Variants in GRIP1 observed in about 807,000 individuals in gnomAD.
GRIP1 encodes glutamate receptor interacting protein 1.
In GRIP1, 45 loss-of-function variants were observed where a neutral mutation model predicts 129.9. That is an observed-to-expected ratio of 0.35 (90% CI 0.27 to 0.44). GRIP1 has a LOEUF of 0.44. Among genes scored for constraint, GRIP1 ranks in the 20% least tolerant of loss-of-function variants. The pLI, the probability that GRIP1 is intolerant of heterozygous loss-of-function variation, is 1.00. For synonymous variants in GRIP1, 530 were observed against 520.8 expected, an observed-to-expected ratio of 1.02 and a Z score of -0.24; for missense variants, 1,196 against 1,396.8, an observed-to-expected ratio of 0.86 and a Z score of 2.29.
At chr12:66,376,877 G>T in intron 22 of GRIP1, 140 bp downstream of exon 22, 1 of 778,462 alleles carries the variant, frequency 1.3e-6, no homozygotes, top group Non-Finnish European at 2.4e-6. Flanking sequence ...AATGGCAGAA[G>T]CCACAAGTCA....
intron 1 of GRIP1, among the ~76,000 whole-genome samples, chr12:66,887,776 G>C (rs1466503678): frequency 6.6e-6 from 1 of 152,070 alleles, no homozygotes; most frequent in African/African-American, 2.4e-5. Flanking sequence ...AAACAGAGAG[G>C]TGGATCCCAT....
chr12:67,005,544 A>T (rs1021574885), intron 1 of GRIP1, among the ~76,000 whole-genome samples: 1 of 152,230 alleles, frequency 6.6e-6, no homozygotes, highest in Non-Finnish European at 1.5e-5. Context: ...TAGTAAGAGA[A>T]AAATGAAGTC....
chr12:66,797,371 C>T (rs1004912062), intron 1 of GRIP1, among the ~76,000 whole-genome samples: 1 of 152,106 alleles, frequency 6.6e-6, no homozygotes, highest in Non-Finnish European at 1.5e-5. Context: ...GTATGCTGCC[C>T]TGGGGAGACA....
chr12:66,492,544 G>C (rs1458077434), intron 7 of GRIP1, among the ~76,000 whole-genome samples: 1 of 152,162 alleles, frequency 6.6e-6, no homozygotes, highest in Non-Finnish European at 1.5e-5. Flanking sequence ...CTGTGTAGAA[G>C]TAATAAGCAC....
chr12:66,960,081 C>G (rs1566095533), intron 1 of GRIP1, among the ~76,000 whole-genome samples: 1 of 152,086 alleles, frequency 6.6e-6, no homozygotes, highest in Non-Finnish European at 1.5e-5. Context: ...AGGTAAGTAG[C>G]CACATCACAT....
intron 1 of GRIP1, among the ~76,000 whole-genome samples, chr12:66,915,617 T>A (rs2041107754): frequency 6.6e-6 from 1 of 152,182 alleles, no homozygotes; most frequent in Non-Finnish European, 1.5e-5. Flanking sequence ...TTGGCACAGA[T>A]CTCCTAACTG....
intron 1 of GRIP1, among the ~76,000 whole-genome samples, chr12:66,928,631 A>C (rs1210400061): frequency 6.6e-6 from 1 of 152,256 alleles, no homozygotes; most frequent in Non-Finnish European, 1.5e-5. Flanking sequence ...GATTGTCTAC[A>C]TTAATGCTTT....
chr12:66,542,190 C>T (rs1365443463), intron 2 of GRIP1, among the ~76,000 whole-genome samples: 1 of 128,002 alleles, frequency 7.8e-6, no homozygotes, highest in East Asian at 2.3e-4. Flanking sequence ...TGACAATAGT[C>T]CAAATTGTCT....
chr12:66,950,289 T>C (rs1254516493), intron 1 of GRIP1, among the ~76,000 whole-genome samples: 2 of 152,242 alleles, frequency 1.3e-5, no homozygotes, highest in Non-Finnish European at 2.9e-5. Flanking sequence ...TGCTAGCTAG[T>C]GTACAATTTA....
At chr12:66,535,722 T>C (rs559331851) in intron 4 of GRIP1, among the ~76,000 whole-genome samples, 1 of 152,354 alleles carries the variant, frequency 6.6e-6, no homozygotes, top group Non-Finnish European at 1.5e-5. Context: ...ACAAAATGAC[T>C]ACTAAATCTT....
At chr12:66,455,299 G>A (rs2058924076) in intron 11 of GRIP1, 110 bp downstream of exon 11, 1 of 982,938 alleles carries the variant, frequency 1.0e-6, no homozygotes, top group African/African-American at 1.6e-5. Flanking sequence ...GCATCTACCT[G>A]ATCACTTAAG....
At chr12:66,811,062 T>A (rs889643884) in intron 1 of GRIP1, among the ~76,000 whole-genome samples, 1 of 152,230 alleles carries the variant, frequency 6.6e-6, no homozygotes, top group Admixed American at 6.5e-5. Context: ...CATGTCTGCA[T>A]TTGTAAATTT....
At chr12:66,823,155 T>C (rs1197154680) in intron 1 of GRIP1, among the ~76,000 whole-genome samples, 1 of 152,130 alleles carries the variant, frequency 6.6e-6, no homozygotes, top group Non-Finnish European at 1.5e-5. Flanking sequence ...AATGAGGGGA[T>C]TGCACAATAT....
chr12:67,044,829 A>G (rs995669921), intron 1 of GRIP1, among the ~76,000 whole-genome samples: 1 of 152,224 alleles, frequency 6.6e-6, no homozygotes, highest in East Asian at 1.9e-4. Context: ...GCAATGTACT[A>G]ATCCAGAAGG....
At chr12:66,758,367 C>T (rs555918603) in intron 1 of GRIP1, among the ~76,000 whole-genome samples, 3 of 152,126 alleles carry the variant, frequency 2.0e-5, no homozygotes, top group South Asian at 2.1e-4. Context: ...GACTGGCCCC[C>T]GTGATTCAAT....
chr12:66,825,932 A>G (rs2039403558), intron 1 of GRIP1, among the ~76,000 whole-genome samples: 1 of 152,204 alleles, frequency 6.6e-6, no homozygotes, highest in Non-Finnish European at 1.5e-5. Context: ...CAGAAATACC[A>G]TTTGACACAG....
At chr12:66,550,692 T>C (rs2062096987) in intron 2 of GRIP1, among the ~76,000 whole-genome samples, 1 of 152,178 alleles carries the variant, frequency 6.6e-6, no homozygotes, top group Non-Finnish European at 1.5e-5. Context: ...AATTCGTGTG[T>C]ATGTTGGGTA....
intron 1 of GRIP1, among the ~76,000 whole-genome samples, chr12:66,599,773 G>C (rs1256241907): frequency 1.3e-5 from 2 of 152,096 alleles, no homozygotes; most frequent in Non-Finnish European, 2.9e-5. Flanking sequence ...AGAATTTCAT[G>C]CTTATAAGGG....
chr12:66,693,582 T>C (rs73327041), intron 1 of GRIP1, among the ~76,000 whole-genome samples: 2,223 of 152,240 alleles, frequency 0.015, 63 homozygotes, highest in African/African-American at 0.051. Context: ...AGAATTTTTT[T>C]AAACACATTC....
Sources: allele counts gnomAD v4.1 joint callset (sites outside exome capture counted in the v4.1 genomes callset), GRCh38; gene constraint gnomAD v4.1.1; transcripts MANE v1.5; gene names NCBI Gene and HGNC (gene_info 2026-07-23, HGNC 2026-07-21).